SORCS2: variants seen among roughly 807,000 people sequenced by gnomAD.
SORCS2 encodes the protein sortilin related VPS10 domain containing receptor 2, also known as VPS10 domain-containing receptor SorCS2.
SORCS2 carries 100 observed loss-of-function variants against 141.6 expected under a neutral mutation model. That is an observed-to-expected ratio of 0.71 (90% confidence interval 0.60 to 0.83). The LOEUF is 0.83. SORCS2 is among the 40% of genes least tolerant of loss of function. SORCS2 has a pLI of 0.00. For synonymous variants in SORCS2, 789 were observed against 676.9 expected (o/e 1.17, Z -2.57); for missense variants, 1,646 against 1,560.2 (o/e 1.05, Z -0.93).
chr4:7,657,897 A>C (rs1028017850), intron 5 of SORCS2, among the ~76,000 whole-genome samples: 1 of 151,664 alleles, frequency 6.6e-6, no homozygotes, highest in African/African-American at 2.4e-5. Context: ...TGAGTGAGTG[A>C]GTGAATGAGT....
At chr4:7,549,095 G>A (rs558861458) in intron 3 of SORCS2, among the ~76,000 whole-genome samples, 27 of 152,264 alleles carry the variant, frequency 1.8e-4, no homozygotes, top group Admixed American at 2.0e-4. Context: ...GGGCAGGAGC[G>A]TGCCCCCAGC....
intron 3 of SORCS2, among the ~76,000 whole-genome samples, chr4:7,538,152 G>A (rs919393068): frequency 3.9e-5 from 6 of 152,222 alleles, no homozygotes; most frequent in Admixed American, 3.3e-4. Context: ...GCAGGAAGAC[G>A]TGAATACTAT....
intron 3 of SORCS2, among the ~76,000 whole-genome samples, chr4:7,591,267 ACAAGGTGTCT>A (rs1220698398): frequency 6.6e-6 from 1 of 151,786 alleles, no homozygotes; most frequent in Non-Finnish European, 1.5e-5. Context: ...CTCCTTCCTA[ACAAGGTGTCT>A]CACCTCTCCC....
chr4:7,496,341 G>A (rs974256425), intron 2 of SORCS2, among the ~76,000 whole-genome samples: 1 of 151,996 alleles, frequency 6.6e-6, no homozygotes, highest in Non-Finnish European at 1.5e-5. Flanking sequence ...ATGAGGATTC[G>A]CGCCTGGGTC....
chr4:7,592,353 G>A (rs1200256823), intron 3 of SORCS2, among the ~76,000 whole-genome samples: 1 of 152,194 alleles, frequency 6.6e-6, no homozygotes, highest in Non-Finnish European at 1.5e-5. Context: ...GGTGACTGCA[G>A]TAATGAGCTT....
chr4:7,284,032 G>A (rs962952540), intron 1 of SORCS2, among the ~76,000 whole-genome samples: 4 of 152,158 alleles, frequency 2.6e-5, no homozygotes, highest in African/African-American at 9.7e-5. Flanking sequence ...TACAGCGTCT[G>A]ATCTGGGGAC....
At chr4:7,629,935 T>G (rs527337507) in intron 3 of SORCS2, among the ~76,000 whole-genome samples, 8 of 152,268 alleles carry the variant, frequency 5.3e-5, no homozygotes, top group African/African-American at 1.9e-4. Flanking sequence ...CCGTTTTATT[T>G]ATTCCCCAGC....
chr4:7,454,304 G>T (rs555519965), intron 2 of SORCS2, among the ~76,000 whole-genome samples: 9 of 128,174 alleles, frequency 7.0e-5, no homozygotes, highest in Middle Eastern at 5.1e-3. Context: ...CTGTGTTGGG[G>T]TTAGGAGCTG....
intron 1 of SORCS2, among the ~76,000 whole-genome samples, chr4:7,239,482 T>G (rs1712535607): frequency 6.6e-6 from 1 of 152,208 alleles, no homozygotes; most frequent in African/African-American, 2.4e-5. Context: ...TCAGTTTTCT[T>G]TTTTGAATCT....
intron 19 of SORCS2, among the ~76,000 whole-genome samples, chr4:7,724,742 G>GA (rs1727014961): frequency 9.9e-5 from 2 of 20,274 alleles, no homozygotes; most frequent in African/African-American, 6.6e-4. Context: ...GGTGGTAGTA[G>GA]TGGTGATGGT....
intron 1 of SORCS2, among the ~76,000 whole-genome samples, chr4:7,223,825 G>A (rs1183176199): frequency 6.6e-6 from 1 of 152,140 alleles, no homozygotes; most frequent in African/African-American, 2.4e-5. Context: ...TCCACCCCTG[G>A]AATCTGACCC....
At chr4:7,680,839 C>T (rs984577449) in intron 9 of SORCS2, among the ~76,000 whole-genome samples, 4 of 152,158 alleles carry the variant, frequency 2.6e-5, no homozygotes, top group East Asian at 1.9e-4. Flanking sequence ...GAGCCAACTC[C>T]GAGGGTAACC....
chr4:7,635,716 T>G lies in SORCS2; in HGVS notation c.649-2612T>G, dbSNP rs1720198800. 2.6e-5 allele frequency among the ~76,000 whole-genome samples: 4 copies of G among 152,300 alleles called. No homozygotes were observed. The South Asian group carries it at 8.3e-4, about 32-fold the overall frequency. On this transcript the variant is annotated intron_variant, in intron 3 of 26. Coordinates refer to ENST00000507866, the MANE Select transcript of SORCS2 (RefSeq NM_020777.3). ...CTAACCAGCCCTCGGTTCTTCCTTG[T>G]TTTTTTCCTACGGATAAACCACACC...
chr4:7,510,498 A>T (rs1732553024), intron 2 of SORCS2, among the ~76,000 whole-genome samples: 1 of 112,680 alleles, frequency 8.9e-6, no homozygotes, highest in Non-Finnish European at 1.9e-5. Context: ...AGGTCCCCAG[A>T]GGACAGCGGC....
chr4:7,547,555 T>C (rs1713354332), intron 3 of SORCS2, among the ~76,000 whole-genome samples: 1 of 152,214 alleles, frequency 6.6e-6, no homozygotes, highest in Non-Finnish European at 1.5e-5. Flanking sequence ...CCTTGGCCCA[T>C]GCTCCGACAC....
chr4:7,238,290 TG>T (rs111273892), intron 1 of SORCS2, among the ~76,000 whole-genome samples: 4 of 151,516 alleles, frequency 2.6e-5, no homozygotes, highest in Non-Finnish European at 4.4e-5. Flanking sequence ...AGAGGGAGTC[TG>T]GGGGGGGTTG....
At chr4:7,261,749 G>A (rs1008217675) in intron 1 of SORCS2, among the ~76,000 whole-genome samples, 7 of 152,194 alleles carry the variant, frequency 4.6e-5, no homozygotes, top group African/African-American at 1.4e-4. Context: ...CCTCGGGACC[G>A]GCCTTTCCAC....
intron 1 of SORCS2, among the ~76,000 whole-genome samples, chr4:7,306,690 C>T (rs1717858180): frequency 1.3e-5 from 2 of 152,146 alleles, no homozygotes; most frequent in South Asian, 4.1e-4. Context: ...TCTGTGCTCT[C>T]CAGTTGCTGT....
intron 3 of SORCS2, among the ~76,000 whole-genome samples, chr4:7,633,200 A>C (rs1308530911): frequency 2.0e-5 from 3 of 152,086 alleles, no homozygotes; most frequent in Non-Finnish European, 4.4e-5. Flanking sequence ...ACCCAGAGGG[A>C]ACAGTACACA....
Sources: allele counts gnomAD v4.1 joint callset (sites outside exome capture counted in the v4.1 genomes callset), GRCh38; gene constraint gnomAD v4.1.1; transcripts MANE v1.5; gene names NCBI Gene and HGNC (gene_info 2026-07-23, HGNC 2026-07-21).